TASP1: variants seen among roughly 807,000 people sequenced by gnomAD.
The protein encoded by TASP1 is taspase 1.
TASP1 carries 16 observed loss-of-function variants against 56.6 expected under a neutral mutation model. The observed-to-expected ratio is 0.28, with a 90% CI of 0.19 to 0.43. TASP1 has a LOEUF of 0.43. Ranked by LOEUF, TASP1 falls within the 20% of genes least tolerant of loss-of-function variation. TASP1 has a pLI of 1.00. For missense variants in TASP1, 393 were observed against 511.6 expected (o/e 0.77, Z 2.24); for synonymous variants, 179 against 184.2 (o/e 0.97, Z 0.23).
chr20:13,195,825 T>C, the TASP1 span, among the ~76,000 whole-genome samples: 1 of 152,226 alleles, frequency 6.6e-6, no homozygotes, highest in African/African-American at 2.4e-5. Context: ...TGATTCTTTT[T>C]AAGTTCTTTC....
chr20:13,293,995 G>GA, the TASP1 span, among the ~76,000 whole-genome samples: 4 of 151,408 alleles, frequency 2.6e-5, no homozygotes, highest in African/African-American at 9.7e-5. Flanking sequence ...GAAAGAAAAA[G>GA]AAAAAAAAGA....
intron 4 of TASP1, among the ~76,000 whole-genome samples, chr20:13,588,509 T>C (rs1465037350): frequency 2.6e-5 from 4 of 152,140 alleles, no homozygotes; most frequent in Non-Finnish European, 4.4e-5. Context: ...CAAAAATCAA[T>C]TGGATTTTTA....
chr20:13,512,118 C>T (rs1230640353), intron 10 of TASP1, among the ~76,000 whole-genome samples: 2 of 152,062 alleles, frequency 1.3e-5, no homozygotes, highest in Non-Finnish European at 2.9e-5. Context: ...TGGGTATATA[C>T]CCAGTAATGG....
At chr20:13,478,346 T>TACAC (rs35289716) in intron 11 of TASP1, among the ~76,000 whole-genome samples, 2,306 of 140,254 alleles carry the variant, frequency 0.016, 33 homozygotes, top group South Asian at 0.022. Flanking sequence ...GAAAATATGA[T>TACAC]ACACACACAC....
chr20:13,426,041 A>T (rs1434313496), intron 12 of TASP1, among the ~76,000 whole-genome samples: 1 of 152,168 alleles, frequency 6.6e-6, no homozygotes, highest in Non-Finnish European at 1.5e-5. Context: ...GCTTGTTTAG[A>T]TTTGTTCAAG....
chr20:13,384,613 T>C (rs1237261112), downstream of TASP1, among the ~76,000 whole-genome samples: 1 of 152,098 alleles, frequency 6.6e-6, no homozygotes, highest in African/African-American at 2.4e-5. Context: ...GGAGGGGTGG[T>C]GTGTTCCTTA....
intron 1 of TASP1, among the ~76,000 whole-genome samples, chr20:13,630,555 T>C (rs767687304): frequency 6.6e-5 from 10 of 151,708 alleles, no homozygotes; most frequent in African/African-American, 2.4e-4. Context: ...GCTGGTGTGG[T>C]GGCACACACC....
chr20:13,522,139 G>A (rs1348512444), intron 10 of TASP1, among the ~76,000 whole-genome samples: 1 of 152,142 alleles, frequency 6.6e-6, no homozygotes, highest in Non-Finnish European at 1.5e-5. Context: ...AAAAGCAAGA[G>A]GTTCTGAGGG....
At chr20:13,179,401 A>ATGTGTGTGTGTG in the TASP1 span, among the ~76,000 whole-genome samples, 6 of 108,232 alleles carry the variant, frequency 5.5e-5, no homozygotes, top group Non-Finnish European at 8.1e-5. Context: ...AAGTAGAATT[A>ATGTGTGTGTGTG]TGTGCGTGTG....
At chr20:13,585,800 G>C (rs1225740968) in intron 5 of TASP1, among the ~76,000 whole-genome samples, 2 of 152,272 alleles carry the variant, frequency 1.3e-5, no homozygotes, top group South Asian at 4.1e-4. Flanking sequence ...AAAACCGGCA[G>C]TATCTATTAA....
At chr20:13,411,200 T>C (rs1336546196) in intron 13 of TASP1, among the ~76,000 whole-genome samples, 2 of 152,150 alleles carry the variant, frequency 1.3e-5, no homozygotes, top group African/African-American at 4.8e-5. Flanking sequence ...GTTTTTATCA[T>C]AATGTTTTGG....
intron 10 of TASP1, among the ~76,000 whole-genome samples, chr20:13,497,144 G>A (rs2043762447): frequency 6.6e-6 from 1 of 152,180 alleles, no homozygotes; most frequent in Non-Finnish European, 1.5e-5. Context: ...GAGCAGGAGA[G>A]CTGAAAGATA....
At chr20:13,284,662 G>A in the TASP1 span, among the ~76,000 whole-genome samples, 21 of 152,280 alleles carry the variant, frequency 1.4e-4, no homozygotes, top group African/African-American at 4.6e-4. Flanking sequence ...GGTCTTTGCC[G>A]GGACATTGAT....
At chr20:13,590,165 G>GA (rs1238740683) in intron 4 of TASP1, among the ~76,000 whole-genome samples, 4 of 152,194 alleles carry the variant, frequency 2.6e-5, no homozygotes, top group Non-Finnish European at 5.9e-5. Flanking sequence ...CCAGGAGGCA[G>GA]AGGTTGTAGT....
At chr20:13,352,574 G>A in the TASP1 span, among the ~76,000 whole-genome samples, 1 of 152,168 alleles carries the variant, frequency 6.6e-6, no homozygotes, top group South Asian at 2.1e-4. Context: ...TCAATGAAGT[G>A]ATGGGCCTGT....
chr20:13,436,561 TA>T (rs2043011776), intron 11 of TASP1, among the ~76,000 whole-genome samples: 1 of 152,100 alleles, frequency 6.6e-6, no homozygotes. Flanking sequence ...ATTTACTCTC[TA>T]AAGAAGGTGA....
At chr20:13,571,277 T>C (rs1183615287) in intron 6 of TASP1, among the ~76,000 whole-genome samples, 5 of 152,310 alleles carry the variant, frequency 3.3e-5, no homozygotes, top group African/African-American at 1.2e-4. Flanking sequence ...TAGGTCATCA[T>C]CACACAAAAT....
At chr20:13,113,167 A>C in the TASP1 span, among the ~76,000 whole-genome samples, 13 of 152,186 alleles carry the variant, frequency 8.5e-5, no homozygotes, top group African/African-American at 3.1e-4. Flanking sequence ...TGGGAGACAG[A>C]GAGAGACTCT....
the TASP1 span, chr20:13,300,792 G>A: frequency 6.6e-6 from 1 of 152,202 alleles, no homozygotes; most frequent in Non-Finnish European, 1.5e-5. Context: ...GGTGGTGTAA[G>A]TCATGGCATC....
Sources: allele counts gnomAD v4.1 joint callset (sites outside exome capture counted in the v4.1 genomes callset), GRCh38; gene constraint gnomAD v4.1.1; transcripts MANE v1.5; gene names NCBI Gene and HGNC (gene_info 2026-07-23, HGNC 2026-07-21).